Variants in AKR7A2 observed in about 807,000 individuals in gnomAD.
AKR7A2 encodes aflatoxin B1 aldehyde reductase member 2.
AKR7A2 carries 29 observed loss-of-function variants against 37.3 expected under a neutral mutation model. The observed-to-expected ratio is 0.78, with a 90% CI of 0.58 to 1.06. The LOEUF (loss-of-function observed/expected upper bound fraction) is 1.06, where lower values mean the gene tolerates loss of function less well. Ranked by LOEUF, AKR7A2 falls within the 50% of genes least tolerant of loss-of-function variation. The probability of loss-of-function intolerance (pLI) is 0.00; values close to 1 mark genes in which losing one functional copy is unlikely to be tolerated. For missense variants in AKR7A2, 529 were observed against 497.9 expected (o/e 1.06, Z -0.59); for synonymous variants, 228 against 217.8 (o/e 1.05, Z -0.41).
intron 3 of AKR7A2, 87 bp from the exon 4 acceptor site, chr1:19,307,497 C>G: frequency 7.3e-7 from 1 of 1,360,646 alleles, no homozygotes; most frequent in Non-Finnish European, 1.0e-6. Context: ...AAAGCAACAC[C>G]GGCCCAGGAC....
downstream of AKR7A2, among the ~76,000 whole-genome samples, chr1:19,303,704 T>C (rs959933853): frequency 6.6e-6 from 1 of 152,246 alleles, no homozygotes; most frequent in African/African-American, 2.4e-5. Flanking sequence ...TAAGAATGTA[T>C]TGAGGCAACT....
chr1:19,309,400 C>T (rs547266676), intron 1 of AKR7A2, among the ~76,000 whole-genome samples: 7 of 152,290 alleles, frequency 4.6e-5, no homozygotes, highest in South Asian at 2.1e-4. Context: ...TTTAGGAAAG[C>T]GAAGCAGCCA....
chr1:19,309,273 C>T (rs2093767980), intron 1 of AKR7A2, among the ~76,000 whole-genome samples: 2 of 152,184 alleles, frequency 1.3e-5, no homozygotes, highest in Non-Finnish European at 2.9e-5. Context: ...TCTTAAATAC[C>T]ATCCCACTGA....
rs1382106307 is a variant in AKR7A2 at position 19,304,122 on chromosome 1, A to G, written c.*103T>C. ...GAAAAATAATGCATGGATCTAGACAATTCAGAAAAACCCTTCTAAGTCAGC... is the reference window on the plus strand; with the variant it reads ...GAAAAATAATGCATGGATCTAGACAGTTCAGAAAAACCCTTCTAAGTCAGC... On this transcript the variant is annotated 3_prime_UTR_variant, in exon 7 of 7. Coordinates refer to ENST00000235835, the MANE Select transcript of AKR7A2 (RefSeq NM_003689.4). 1.1e-5 allele frequency: 17 copies of G among 1,574,070 alleles called. No homozygotes were observed. The highest frequency in any genetic ancestry group is 1.7e-4 in the Middle Eastern group (1 of 6,014).
In AKR7A2 at chr1:19,304,258, C is replaced by G; in HGVS notation, c.1047G>C (p.Leu349Phe). Residue 349 changes from leucine (L) to phenylalanine (F), a missense_variant, in exon 7 of 7, where the codon TTG becomes TTC. Transcript: ENST00000235835. ...VVDAFNQAWH[L>F]VAHECPNYFR Reference sequence around the variant, plus strand: ...AGTAGTTGGGACATTCGTGAGCAACCAAATGCCAGGCTTGATTAAAGGCAT... The same window carrying G: ...AGTAGTTGGGACATTCGTGAGCAACGAAATGCCAGGCTTGATTAAAGGCAT... 6.2e-7 allele frequency: 1 copy of G among 1,614,146 alleles called. No individual in the cohort carries two copies. Among genetic ancestry groups the G allele is most frequent in the South Asian group, 1.1e-5 (1 of 91,082 alleles).
Position 19,307,334 on chromosome 1 carries a change from T to C in AKR7A2, c.668A>G (p.Tyr223Cys), listed in dbSNP as rs573103736. 11 of 1,613,626 alleles carry C rather than the reference T, an allele frequency of 6.8e-6. No homozygotes were observed. In the East Asian group the frequency reaches 8.9e-5, roughly 13 times the overall value. The change falls in exon 4 of 7, where the codon TAT becomes TGT. Residue 223 changes from tyrosine (Y) to cysteine (C), a missense_variant. Tyr to Cys is a radical substitution (Grantham distance 194). Coordinates refer to ENST00000235835, the MANE Select transcript of AKR7A2 (RefSeq NM_003689.4). The stretch of plus-strand genomic sequence containing the variant: ...CGTACCAGCCAGAGGGTTGTAGGCA[T>C]AGAACCTCAGTCCAAAGTGCCTGAG... ...PCLRHFGLRF[Y>C]AYNPLAGGLL...
At chr1:19,306,638 C>T (rs1175434431) in intron 5 of AKR7A2, among the ~76,000 whole-genome samples, 1 of 151,228 alleles carries the variant, frequency 6.6e-6, no homozygotes, top group African/African-American at 2.4e-5. Context: ...GACCATGTTG[C>T]CCAGGCTGGT....
rs548958585 is a variant in AKR7A2, at chr1:19,310,054, C to T, written c.299-1412G>A. ...TTGTGCTACTGCACTCCAGCCTGGGCGACAGAGTGAGACTCTGTGTCAAAA... is the reference window on the plus strand; with the variant it reads ...TTGTGCTACTGCACTCCAGCCTGGGTGACAGAGTGAGACTCTGTGTCAAAA... On this transcript the variant is annotated intron_variant, in intron 1 of 6. Coordinates refer to ENST00000235835, the MANE Select transcript of AKR7A2 (RefSeq NM_003689.4). Among the ~76,000 whole-genome samples, 12 of 151,556 alleles carry T rather than the reference C, an allele frequency of 7.9e-5. No homozygotes were observed. In the South Asian group the frequency reaches 1.7e-3, roughly 21 times the overall value.
At chr1:19,310,010 A>T (rs2093769224) in intron 1 of AKR7A2, among the ~76,000 whole-genome samples, 1 of 152,058 alleles carries the variant, frequency 6.6e-6, no homozygotes, top group Non-Finnish European at 1.5e-5. Flanking sequence ...TGGGAGGCAG[A>T]GGTTGCAGTG....
rs556666007 is a variant in AKR7A2 at position 19,307,199 on chromosome 1, G to A, written c.689-98C>T. The A allele has an allele frequency of 4.0e-4, 639 of 1,589,166 alleles. 6 individuals are homozygous for A. In the South Asian group the frequency reaches 6.7e-3, roughly 17 times the overall value. On this transcript the variant is annotated intron_variant, in intron 4 of 6. Transcript: ENST00000235835. Reference sequence around the variant, plus strand: ...CTAGGGGAGGGGCAGGGACCCAGGAGGGGCTGAAGAACACAGCCCAGCCTC... The same window carrying A: ...CTAGGGGAGGGGCAGGGACCCAGGAAGGGCTGAAGAACACAGCCCAGCCTC...
chr1:19,308,507 T>G lies in AKR7A2; in HGVS notation c.434A>C (p.His145Pro). Residue 145 changes from histidine to proline, a missense_variant, in exon 2 of 7, where the codon CAC (histidine) becomes CCC (proline). Transcript: ENST00000235835. Reference sequence around the variant, plus strand: ...CAGCGTCTCTTCCACCGGGGTGCCGTGGTCAGGTGCGTGTAGGTAGAAGAG... The same window carrying G: ...CAGCGTCTCTTCCACCGGGGTGCCGGGGTCAGGTGCGTGTAGGTAGAAGAG... The part of the protein sequence containing the change: ...VDLFYLHAPD[H>P]GTPVEETLHA... 1 of 1,614,112 alleles carries G rather than the reference T, an allele frequency of 6.2e-7. No homozygotes were observed. The highest frequency in any genetic ancestry group is 8.5e-7 in the Non-Finnish European group (1 of 1,180,016).
Position 19,312,089 on chromosome 1 carries a change from G to T in AKR7A2, c.36C>A (p.Ala12=), listed in dbSNP as rs115704389. 52,327 of 1,338,432 alleles carry T rather than the reference G, an allele frequency of 0.039. 1,144 individuals are homozygous for T. Among genetic ancestry groups the T allele is most frequent in the Non-Finnish European group, 0.045 (47,756 of 1,053,844 alleles). 82.9% of individuals were successfully genotyped at this position (1,338,432 alleles called of 1,614,324 possible). Residue 12 remains alanine, a synonymous_variant, in exon 1 of 7, where the codon GCC becomes GCA. Coordinates refer to ENST00000235835, the MANE Select transcript of AKR7A2 (RefSeq NM_003689.4). ...LSAASRVVSR[A]AVHCALRSPP... is the part of the protein sequence containing the mutation. ...GAGAGCGAAGCGCGCAGTGGACGGC[G>T]GCGCGGGAGACTACGCGAGACGCGG...
chr1:19,303,906 G>A (rs968424427), downstream of AKR7A2: 3 of 400,496 alleles, frequency 7.5e-6, no homozygotes, highest in African/African-American at 4.1e-5. Context: ...CCATGGTTCT[G>A]CCCTTTCTCA....
At chr1:19,311,373 C>T (rs1308843569) in intron 1 of AKR7A2, among the ~76,000 whole-genome samples, 3 of 152,226 alleles carry the variant, frequency 2.0e-5, no homozygotes, top group African/African-American at 7.2e-5. Context: ...CACAGTTCTC[C>T]CTGAGAGAGG....
In AKR7A2 at chr1:19,311,842, C is replaced by CTGGG. The variant is rs777720410; in HGVS notation, c.282_283insCCCA (p.Gly95ProfsTer24). The CTGGG allele has an allele frequency of 1.9e-6, 3 of 1,610,322 alleles. No homozygotes were observed. In the East Asian group the frequency reaches 6.7e-5, roughly 36 times the overall value. On this transcript the variant is annotated frameshift_variant, in exon 1 of 7. Transcript: ENST00000235835. LOFTEE classifies it high-confidence loss of function. ...CTACTGTTACCTCTGCAGTCGCCAC[C>CTGGG]GCCCAGCCCGAGCCCCAGGCCGCCC...
At chr1:19,310,918 G>A (rs1182143595) in intron 1 of AKR7A2, among the ~76,000 whole-genome samples, 1 of 152,142 alleles carries the variant, frequency 6.6e-6, no homozygotes, top group Non-Finnish European at 1.5e-5. Context: ...CCTCCCAAGG[G>A]CTATCAAGGG....
rs369475843 is a variant in AKR7A2, at chr1:19,308,647, G to C, written c.299-5C>G. The stretch of plus-strand genomic sequence containing the variant: ...TGGCCTTGGTGGCAATTTTCACTTG[G>C]AGAGAGAATGGAATGGTTAAGTGAC... On this transcript the variant is annotated splice_region_variant and splice_polypyrimidine_tract_variant and intron_variant, in intron 1 of 6. Coordinates refer to ENST00000235835, the MANE Select transcript of AKR7A2 (RefSeq NM_003689.4). The C allele has an allele frequency of 6.2e-7, 1 of 1,613,916 alleles. No homozygotes were observed. Among genetic ancestry groups the C allele is most frequent in the Non-Finnish European group, 8.5e-7 (1 of 1,179,876 alleles).
At position 19,304,052 on chromosome 1, in the gene AKR7A2, C is replaced by CA; in HGVS notation, c.*172dup. ...AAGCGCTCAAGTGGGACTCACCCCC[C>CA]ACCTTTCACAGTGTAAAGTGAATAG... On this transcript the variant is annotated 3_prime_UTR_variant, in exon 7 of 7. Coordinates refer to ENST00000235835, the MANE Select transcript of AKR7A2 (RefSeq NM_003689.4). 9.1e-7 allele frequency: 1 copy of CA among 1,101,320 alleles called. No individual in the cohort carries two copies. Among genetic ancestry groups the CA allele is most frequent in the South Asian group, 1.4e-5 (1 of 72,452 alleles). 68.2% of individuals were successfully genotyped at this position (1,101,320 alleles called of 1,614,324 possible).
chr1:19,304,387 C>G lies in AKR7A2; in HGVS notation c.919-1G>C. The G allele has an allele frequency of 6.2e-7, 1 of 1,613,992 alleles. No individual in the cohort carries two copies. The highest frequency in any genetic ancestry group is 8.5e-7 in the Non-Finnish European group (1 of 1,179,910). ...GGATGACCGCGTCCCCGTGGGCACC[C>G]TGCAAGGGAGACGGCCAGACTTCAA... On this transcript the variant is annotated splice_acceptor_variant, in intron 6 of 6. Transcript: ENST00000235835. LOFTEE classifies it high-confidence loss of function.
Sources: allele counts gnomAD v4.1 joint callset (sites outside exome capture counted in the v4.1 genomes callset), GRCh38; gene constraint gnomAD v4.1.1; transcripts MANE v1.5; gene names NCBI Gene and HGNC (gene_info 2026-07-23, HGNC 2026-07-21).